DOCK7: variants seen among roughly 807,000 people sequenced by gnomAD.
DOCK7 encodes dedicator of cytokinesis protein 7.
Under a neutral mutation model 271.0 loss-of-function variants are expected in DOCK7, and 138 were observed. That is an observed-to-expected ratio of 0.51 (90% CI 0.44 to 0.59). The LOEUF (loss-of-function observed/expected upper bound fraction) is 0.59, where lower values mean the gene tolerates loss of function less well. Among genes scored for constraint, DOCK7 ranks in the 20% least tolerant of loss-of-function variants. DOCK7 has a pLI of 0.00. For synonymous variants in DOCK7, 823 were observed against 876.1 expected (o/e 0.94, Z 1.07); for missense variants, 2,066 against 2,592.4 (o/e 0.80, Z 4.41).
At position 62,496,385 on chromosome 1, in the gene DOCK7, T is replaced by TA; in HGVS notation, c.4876dup (p.Tyr1626LeufsTer3). 6.2e-7 allele frequency: 1 copy of TA among 1,613,606 alleles called. No individual in the cohort carries two copies. On this transcript the variant is annotated frameshift_variant, in exon 38 of 50. Coordinates refer to ENST00000635253, the MANE Select transcript of DOCK7 (RefSeq NM_001367561.1). LOFTEE classifies it high-confidence loss of function. Reference sequence around the variant, plus strand: ...CCTCAATTCCAGATCTTCTTCAGCATATGTCAATATAGTCTTTAGAGAACG... The same window carrying TA: ...CCTCAATTCCAGATCTTCTTCAGCATAATGTCAATATAGTCTTTAGAGAACG...
At chr1:62,573,603 CATAAA>C (rs1646853158) in intron 18 of DOCK7, among the ~76,000 whole-genome samples, 2 of 152,026 alleles carry the variant, frequency 1.3e-5, no homozygotes, top group Admixed American at 6.6e-5. Flanking sequence ...TTGTTAAATT[CATAAA>C]ATAAAGTAAA....
At chr1:62,686,158 T>A (rs1185240) in intron 1 of DOCK7, among the ~76,000 whole-genome samples, 115 of 260 alleles carry the variant, frequency 0.44, 23 homozygotes, top group Non-Finnish European at 1. Context: ...AAGTAATAAC[T>A]TTTTTTTTTT....
chr1:62,639,426 C>CTTTTTTTTTTTTTTTTTTTTTTT lies in DOCK7; in HGVS notation c.819-2846_819-2824dup, dbSNP rs386367151. Among the ~76,000 whole-genome samples, 2 of 75,880 alleles carry CTTTTTTTTTTTTTTTTTTTTTTT rather than the reference C, an allele frequency of 2.6e-5. 1 individual carries two copies. Among genetic ancestry groups the CTTTTTTTTTTTTTTTTTTTTTTT allele is most frequent in the African/African-American group, 1.2e-4 (2 of 16,992 alleles). 49.8% of individuals were successfully genotyped at this position (75,880 alleles called of 152,430 possible). ...AACTTAGTGCAAACTTTGTAATACT[C>CTTTTTTTTTTTTTTTTTTTTTTT]TTTTTTTTTTTTTTTTTTTTTTTTT... is the stretch of plus-strand genomic sequence containing the variant. On this transcript the variant is annotated intron_variant, in intron 7 of 49. Transcript: ENST00000635253.
intron 20 of DOCK7, among the ~76,000 whole-genome samples, chr1:62,557,159 C>T (rs558605796): frequency 6.6e-6 from 1 of 151,282 alleles, no homozygotes; most frequent in Non-Finnish European, 1.5e-5. Context: ...CTTGGCCTCC[C>T]AAAGTGCTGG....
chr1:62,649,812 T>C (rs1657114008), intron 4 of DOCK7, among the ~76,000 whole-genome samples: 2 of 152,212 alleles, frequency 1.3e-5, no homozygotes, highest in Admixed American at 6.5e-5. Context: ...TGAACATTTC[T>C]AGCATGCTTT....
chr1:62,534,588 C>G (rs995300658), intron 29 of DOCK7, among the ~76,000 whole-genome samples: 5 of 152,080 alleles, frequency 3.3e-5, no homozygotes, highest in Admixed American at 6.6e-5. Context: ...GTTGTCCACC[C>G]TGGGTGAGGG....
chr1:62,492,593 T>A, intron 41 of DOCK7, 111 bp downstream of exon 41: 1 of 1,394,472 alleles, frequency 7.2e-7, no homozygotes, highest in Non-Finnish European at 1.0e-6. Flanking sequence ...GGGTCCAGAA[T>A]AAATTATCTT....
chr1:62,663,210 T>C (rs994673346), intron 1 of DOCK7, 80 bp from the exon 2 acceptor site: 3 of 1,051,048 alleles, frequency 2.9e-6, no homozygotes, highest in Admixed American at 2.2e-5. Context: ...GGAAGCTAAA[T>C]ACATTAAAGA....
At chr1:62,659,123 A>G (rs1438610688) in intron 2 of DOCK7, among the ~76,000 whole-genome samples, 1 of 152,226 alleles carries the variant, frequency 6.6e-6, no homozygotes, top group Non-Finnish European at 1.5e-5. Context: ...AGGTATCTGG[A>G]AATATTAGGA....
At chr1:62,604,776 A>G in intron 14 of DOCK7, 3 of 1,613,118 alleles carry the variant, frequency 1.9e-6, no homozygotes, top group Non-Finnish European at 2.5e-6. Context: ...AAAATCAACC[A>G]AAATGTTGAT....
At chr1:62,587,047 C>A (rs994183132) in intron 14 of DOCK7, among the ~76,000 whole-genome samples, 2 of 151,906 alleles carry the variant, frequency 1.3e-5, no homozygotes, top group African/African-American at 4.8e-5. Context: ...AATAGGATGA[C>A]ATTTATAAAT....
In DOCK7 at chr1:62,634,556, T is replaced by C. The variant is rs1007731001; in HGVS notation, c.1035+217A>G. 45 of 389,464 alleles carry C rather than the reference T, an allele frequency of 1.2e-4. No individual in the cohort carries two copies. The Admixed American group carries it at 1.6e-3, about 14-fold the overall frequency. 24.1% of individuals were successfully genotyped at this position (389,464 alleles called of 1,614,324 possible). A position where few individuals can be genotyped will look rare whatever the true frequency, so the allele number is the denominator to read the frequency against. ...AATCAAAACAGATCTAAGATATATA[T>C]ATAATTCCTATTAGTTCTGTTTCAC... On this transcript the variant is annotated intron_variant, in intron 9 of 49. Coordinates refer to ENST00000635253, the MANE Select transcript of DOCK7 (RefSeq NM_001367561.1).
intron 1 of DOCK7, among the ~76,000 whole-genome samples, chr1:62,687,173 GCTT>G (rs1209121024): frequency 1.4e-4 from 21 of 152,280 alleles, no homozygotes; most frequent in East Asian, 7.7e-4. Context: ...TAATATGAAT[GCTT>G]CTTTTCTTGG....
chr1:62,588,405 C>T (rs1647887896), intron 14 of DOCK7, among the ~76,000 whole-genome samples: 1 of 152,144 alleles, frequency 6.6e-6, no homozygotes, highest in African/African-American at 2.4e-5. Flanking sequence ...AGGTACCTAG[C>T]TGTCTGTGGG....
At chr1:62,503,014 G>T (rs1646831000) in intron 37 of DOCK7, among the ~76,000 whole-genome samples, 1 of 152,080 alleles carries the variant, frequency 6.6e-6, no homozygotes. Flanking sequence ...CATAAGAGAT[G>T]AAATTCAGGC....
intron 7 of DOCK7, among the ~76,000 whole-genome samples, chr1:62,646,617 T>A (rs1290972686): frequency 3.9e-5 from 6 of 152,258 alleles, no homozygotes; most frequent in Admixed American, 6.5e-5. Context: ...AGCAGCCATC[T>A]GCAAGCCAGA....
rs553083067 is a variant in DOCK7, at chr1:62,538,344, A to G, written c.3301-283T>C. 1.4e-4 allele frequency among the ~76,000 whole-genome samples: 21 copies of G among 152,374 alleles called. No individual in the cohort carries two copies. In the South Asian group the frequency reaches 3.1e-3, roughly 23 times the overall value. ...ACTTCTCATAAAACAGGGAAAACGT[A>G]TATCACCAAAAATAACTTCTTATTA... On this transcript the variant is annotated intron_variant, in intron 27 of 49. Transcript: ENST00000635253.
intron 14 of DOCK7, chr1:62,597,683 G>A (rs1235689920): frequency 6.2e-7 from 1 of 1,613,530 alleles, no homozygotes; most frequent in South Asian, 1.1e-5. Flanking sequence ...GATTTGCTAT[G>A]TTAGACGATG....
chr1:62,597,527 A>G (rs1421753465), intron 14 of DOCK7: 1 of 1,608,700 alleles, frequency 6.2e-7, no homozygotes, highest in South Asian at 1.1e-5. Flanking sequence ...TCCAGAAGAA[A>G]ACAGTTCCAC....
Sources: allele counts gnomAD v4.1 joint callset (sites outside exome capture counted in the v4.1 genomes callset), GRCh38; gene constraint gnomAD v4.1.1; transcripts MANE v1.5; gene names NCBI Gene and HGNC (gene_info 2026-07-23, HGNC 2026-07-21).